The following DENND4A variants were observed in gnomAD, a reference collection of about 807,000 sequenced individuals.
The protein encoded by DENND4A is DENN domain containing 4A, also known as C-myc promoter-binding protein.
A neutral mutation model predicts 199.3 loss-of-function variants in DENND4A; 70 were observed. The observed-to-expected ratio is 0.35, with a 90% confidence interval of 0.29 to 0.43. DENND4A has a LOEUF of 0.43. DENND4A is among the 20% of genes least tolerant of loss of function. The pLI is 1.00. For missense variants in DENND4A, 1,723 were observed against 2,255.8 expected (o/e 0.76, Z 4.78); for synonymous variants, 686 against 766.9 (o/e 0.89, Z 1.74).
chr15:65,769,693 TTTC>T (rs2077080386), intron 1 of DENND4A, among the ~76,000 whole-genome samples: 2 of 152,150 alleles, frequency 1.3e-5, no homozygotes, highest in Non-Finnish European at 2.9e-5. Flanking sequence ...TTGATTTTCT[TTTC>T]TTTTTTTTCA....
chr15:65,702,648 A>C (rs1044052248), intron 16 of DENND4A, 137 bp from the exon 17 acceptor site: 8 of 928,634 alleles, frequency 8.6e-6, no homozygotes, highest in Non-Finnish European at 1.3e-5. Flanking sequence ...ATGCGTTTTC[A>C]AGTTTCTTTT....
At position 65,669,938 on chromosome 15, in the gene DENND4A, T is replaced by A; in HGVS notation, c.4641-13A>T. The A allele has an allele frequency of 6.2e-7, 1 of 1,611,662 alleles. No homozygotes were observed. The highest frequency in any genetic ancestry group is 8.5e-7 in the Non-Finnish European group (1 of 1,178,222). On this transcript the variant is annotated splice_polypyrimidine_tract_variant and intron_variant, in intron 26 of 32. Transcript: ENST00000443035. ...CTTTAGAAAGTATCTGTAATGTGAA[T>A]CGAAGGAACTTTTTGAGAAAAGAGA...
At chr15:65,663,201 T>TA (rs1566978782) in intron 32 of DENND4A, among the ~76,000 whole-genome samples, 73 of 142,114 alleles carry the variant, frequency 5.1e-4, no homozygotes, top group African/African-American at 1.8e-3. Context: ...TATATATATT[T>TA]TTTTTTTTTT....
At chr15:65,707,193 T>C (rs1596484523) in intron 14 of DENND4A, among the ~76,000 whole-genome samples, 1 of 152,124 alleles carries the variant, frequency 6.6e-6, no homozygotes, top group Non-Finnish European at 1.5e-5. Context: ...AGCAAGGTAA[T>C]ATCCAGAAAA....
chr15:65,678,979 C>T (rs1330483783), intron 23 of DENND4A, among the ~76,000 whole-genome samples: 1 of 152,084 alleles, frequency 6.6e-6, no homozygotes, highest in African/African-American at 2.4e-5. Context: ...GATGAGCCAC[C>T]ATGCCTGGGC....
intron 24 of DENND4A, among the ~76,000 whole-genome samples, chr15:65,673,630 G>GA (rs78649250): frequency 0.022 from 2,426 of 110,138 alleles, 27 homozygotes; most frequent in Middle Eastern, 0.07. Context: ...TAACAAGGAG[G>GA]AAAAAAAAAA....
In DENND4A at chr15:65,731,656, T is replaced by C. The variant is rs201916696; in HGVS notation, c.1152A>G (p.Ser384=). ...GTTTTACTTGCCTTAGTGGAAGAGG[T>C]GAAGACACAGGCTGACTGAGAATCA... is the stretch of plus-strand genomic sequence containing the variant. ...DNLILSQPVS[S]PLPLSGGKFS... Residue 384 remains serine, a synonymous_variant, in exon 9 of 33, where the codon TCA becomes TCG. Coordinates refer to ENST00000443035, the MANE Select transcript of DENND4A (RefSeq NM_001320835.1). 2 of 1,559,876 alleles carry C rather than the reference T, an allele frequency of 1.3e-6. No homozygotes were observed. Among genetic ancestry groups the C allele is most frequent in the African/African-American group, 2.7e-5 (2 of 73,584 alleles).
At chr15:65,754,638 C>G (rs573731789) in intron 3 of DENND4A, among the ~76,000 whole-genome samples, 1 of 152,270 alleles carries the variant, frequency 6.6e-6, no homozygotes, top group East Asian at 1.9e-4. Flanking sequence ...CGAAGATATA[C>G]AAACTTGTCA....
At chr15:65,783,713 G>C (rs1464553137) in intron 1 of DENND4A, among the ~76,000 whole-genome samples, 1 of 152,096 alleles carries the variant, frequency 6.6e-6, no homozygotes, top group Admixed American at 6.5e-5. Flanking sequence ...TGTCCTGTTG[G>C]TAGAAAAATT....
intron 32 of DENND4A, 30 bp from the exon 33 acceptor site, chr15:65,662,017 T>C: frequency 6.4e-7 from 1 of 1,573,574 alleles, no homozygotes; most frequent in Non-Finnish European, 8.6e-7. Flanking sequence ...AATAAAAGAA[T>C]AAAGAAATTT....
chr15:65,697,692 C>G (rs952144898), intron 20 of DENND4A, among the ~76,000 whole-genome samples: 14 of 152,164 alleles, frequency 9.2e-5, no homozygotes, highest in Admixed American at 5.2e-4. Context: ...ACCAGACATT[C>G]TTTATACAAG....
intron 4 of DENND4A, among the ~76,000 whole-genome samples, chr15:65,747,775 GCTC>G (rs1329104586): frequency 6.6e-6 from 1 of 152,032 alleles, no homozygotes; most frequent in Admixed American, 6.6e-5. Context: ...AGGCACAGTG[GCTC>G]ATACCTGCAA....
chr15:65,759,255 G>A (rs1313823945), intron 2 of DENND4A, among the ~76,000 whole-genome samples: 1 of 152,112 alleles, frequency 6.6e-6, no homozygotes, highest in African/African-American at 2.4e-5. Flanking sequence ...GAGGCGGGTG[G>A]ATCACAAGGT....
chr15:65,728,085 T>C (rs937032732), intron 11 of DENND4A, among the ~76,000 whole-genome samples: 3 of 152,004 alleles, frequency 2.0e-5, no homozygotes, highest in African/African-American at 7.2e-5. Flanking sequence ...CTCGGCTCAC[T>C]GCAGCCTCCG....
intron 1 of DENND4A, chr15:65,771,254 C>A: frequency 1.3e-6 from 2 of 1,591,528 alleles, no homozygotes; most frequent in Non-Finnish European, 8.6e-7. Flanking sequence ...CCTTCGGAGT[C>A]GATCACCACG....
At chr15:65,715,834 G>C (rs1183718434) in intron 13 of DENND4A, among the ~76,000 whole-genome samples, 1 of 152,086 alleles carries the variant, frequency 6.6e-6, no homozygotes. Flanking sequence ...TCTTCATCCA[G>C]AACTGTCTCC....
At chr15:65,675,056 G>GAAAA (rs1483458358) in intron 24 of DENND4A, among the ~76,000 whole-genome samples, 1 of 152,042 alleles carries the variant, frequency 6.6e-6, no homozygotes, top group Non-Finnish European at 1.5e-5. Context: ...AAGATAAAGT[G>GAAAA]AAAAACAAAT....
At chr15:65,730,190 G>A (rs1440607507) in intron 9 of DENND4A, among the ~76,000 whole-genome samples, 1 of 151,958 alleles carries the variant, frequency 6.6e-6, no homozygotes, top group Non-Finnish European at 1.5e-5. Flanking sequence ...ATAGTAATAG[G>A]AAATCAAGAG....
chr15:65,713,512 C>T (rs547243254), intron 14 of DENND4A, among the ~76,000 whole-genome samples: 7 of 152,300 alleles, frequency 4.6e-5, no homozygotes, highest in African/African-American at 1.7e-4. Flanking sequence ...TCCCTTTTGT[C>T]ATTAATATGC....
Sources: allele counts gnomAD v4.1 joint callset (sites outside exome capture counted in the v4.1 genomes callset), GRCh38; gene constraint gnomAD v4.1.1; transcripts MANE v1.5; gene names NCBI Gene and HGNC (gene_info 2026-07-23, HGNC 2026-07-21).